Variants in ENTREP2 observed in about 807,000 individuals in gnomAD.
ENTREP2 encodes endosomal transmembrane epsin interactor 2, also known as protein ENTREP2.
At chr15:29,342,761 G>C in the ENTREP2 span, among the ~76,000 whole-genome samples, 1 of 152,022 alleles carries the variant, frequency 6.6e-6, no homozygotes, top group African/African-American at 2.4e-5. Flanking sequence ...CATGTGATTA[G>C]GCCATTTCTG....
the ENTREP2 span, among the ~76,000 whole-genome samples, chr15:29,275,249 G>A: frequency 6.6e-6 from 1 of 152,120 alleles, no homozygotes; most frequent in Non-Finnish European, 1.5e-5. Context: ...AAAAGGGCTG[G>A]AAAGAAATAT....
the ENTREP2 span, among the ~76,000 whole-genome samples, chr15:29,502,947 A>G: frequency 6.6e-6 from 1 of 151,128 alleles, no homozygotes; most frequent in South Asian, 2.1e-4. Flanking sequence ...AGGGGGAAAA[A>G]AAAACCAGAA....
At chr15:29,510,544 CA>C in the ENTREP2 span, among the ~76,000 whole-genome samples, 4 of 152,168 alleles carry the variant, frequency 2.6e-5, no homozygotes, top group Admixed American at 6.5e-5. Flanking sequence ...GGCACATATA[CA>C]CCTGTAATCC....
chr15:29,507,103 A>G, the ENTREP2 span, among the ~76,000 whole-genome samples: 1 of 152,200 alleles, frequency 6.6e-6, no homozygotes, highest in Non-Finnish European at 1.5e-5. Context: ...CAGGGGTTGC[A>G]ATCCTAGTCT....
chr15:29,177,656 G>A, the ENTREP2 span, among the ~76,000 whole-genome samples: 5 of 152,304 alleles, frequency 3.3e-5, no homozygotes, highest in East Asian at 3.9e-4. Context: ...CTGGACTCGT[G>A]AGGCTGATGC....
the ENTREP2 span, among the ~76,000 whole-genome samples, chr15:29,419,706 C>T: frequency 1.8e-4 from 27 of 152,106 alleles, no homozygotes; most frequent in Non-Finnish European, 3.8e-4. Context: ...CAGATCTGGA[C>T]GCACATATTA....
chr15:29,548,480 A>C, the ENTREP2 span, among the ~76,000 whole-genome samples: 2 of 148,886 alleles, frequency 1.3e-5, no homozygotes, highest in Non-Finnish European at 3.0e-5. Context: ...TTAAGATGGT[A>C]AACTTTATGT....
At chr15:29,280,465 A>C in the ENTREP2 span, among the ~76,000 whole-genome samples, 1 of 152,192 alleles carries the variant, frequency 6.6e-6, no homozygotes. Flanking sequence ...GGACAGAAGG[A>C]GGTACAAAGA....
At chr15:29,399,788 A>C in the ENTREP2 span, among the ~76,000 whole-genome samples, 3 of 152,240 alleles carry the variant, frequency 2.0e-5, no homozygotes, top group African/African-American at 7.2e-5. Flanking sequence ...TCTTACAATA[A>C]AGAGAAAAGA....
At chr15:29,225,099 G>A in the ENTREP2 span, among the ~76,000 whole-genome samples, 1 of 152,168 alleles carries the variant, frequency 6.6e-6, no homozygotes. Flanking sequence ...CAAGCACCAG[G>A]CACAGCCCCG....
chr15:29,151,600 G>A, the ENTREP2 span: 1 of 659,284 alleles, frequency 1.5e-6, no homozygotes, highest in Non-Finnish European at 2.7e-6. Context: ...CTTCCAGAGG[G>A]CAACACAAGG....
At chr15:29,486,276 A>G in the ENTREP2 span, among the ~76,000 whole-genome samples, 7 of 152,220 alleles carry the variant, frequency 4.6e-5, no homozygotes, top group Admixed American at 4.6e-4. Flanking sequence ...AAGACATCAC[A>G]CCAAGTGAAA....
chr15:29,474,852 C>T, the ENTREP2 span, among the ~76,000 whole-genome samples: 1,214 of 152,234 alleles, frequency 8.0e-3, 10 homozygotes, highest in South Asian at 0.016. Flanking sequence ...CCACCGCACC[C>T]GGCCAAGGTC....
chr15:29,519,981 C>A, the ENTREP2 span, among the ~76,000 whole-genome samples: 1 of 152,194 alleles, frequency 6.6e-6, no homozygotes, highest in Admixed American at 6.5e-5. Context: ...CCGCCCCTGC[C>A]TGTAAGAGAT....
At chr15:29,249,047 C>T in the ENTREP2 span, among the ~76,000 whole-genome samples, 8 of 152,202 alleles carry the variant, frequency 5.3e-5, no homozygotes, top group South Asian at 2.1e-4. Flanking sequence ...ACAGGCCGGG[C>T]GTGGTGGCTC....
chr15:29,222,331 C>A, the ENTREP2 span, among the ~76,000 whole-genome samples: 1,021 of 152,260 alleles, frequency 6.7e-3, 15 homozygotes, highest in African/African-American at 0.024. Flanking sequence ...ATAATCCTCC[C>A]CTTGTTTAGC....
the ENTREP2 span, chr15:29,266,422 T>C: frequency 6.6e-6 from 1 of 152,198 alleles, no homozygotes; most frequent in Non-Finnish European, 1.5e-5. Context: ...GCTCCATTTG[T>C]TTCTGGCTGG....
chr15:29,207,017 T>G, the ENTREP2 span, among the ~76,000 whole-genome samples: 36 of 152,288 alleles, frequency 2.4e-4, no homozygotes, highest in African/African-American at 8.7e-4. Context: ...GTAGGTTGGA[T>G]GACACGGAGC....
chr15:29,328,889 C>G, the ENTREP2 span, among the ~76,000 whole-genome samples: 1 of 152,260 alleles, frequency 6.6e-6, no homozygotes, highest in East Asian at 1.9e-4. Flanking sequence ...GGTATACACT[C>G]ATATACAGTC....
Sources: allele counts gnomAD v4.1 joint callset (sites outside exome capture counted in the v4.1 genomes callset), GRCh38; gene constraint gnomAD v4.1.1; transcripts MANE v1.5; gene names NCBI Gene and HGNC (gene_info 2026-07-23, HGNC 2026-07-21).